The following DDHD1 variants were observed in gnomAD, a reference collection of about 807,000 sequenced individuals.
DDHD1 encodes phospholipase DDHD1.
DDHD1 carries 49 observed loss-of-function variants against 96.4 expected under a neutral mutation model. The ratio of observed to expected loss-of-function variants is 0.51; its 90% CI spans 0.40 to 0.64. The LOEUF (loss-of-function observed/expected upper bound fraction) is 0.64. Ranked by LOEUF, DDHD1 falls within the 30% of genes least tolerant of loss-of-function variation. DDHD1 has a pLI of 0.00. For synonymous variants in DDHD1, 442 were observed against 446.5 expected (o/e 0.99, Z 0.13); for missense variants, 1,106 against 1,161.2 (o/e 0.95, Z 0.69).
chr14:53,086,002 A>G (rs1467796892), intron 4 of DDHD1, among the ~76,000 whole-genome samples: 1 of 152,256 alleles, frequency 6.6e-6, no homozygotes, highest in Non-Finnish European at 1.5e-5. Flanking sequence ...TACGTGACAC[A>G]TGCACAAGCT....
In DDHD1 at chr14:53,061,130, A is replaced by T; in HGVS notation, c.1838T>A (p.Phe613Tyr). The stretch of plus-strand genomic sequence containing the variant: ...AACACATTGCTCTTTCCTTACCTTA[A>T]ATTTTAAGGCAGGTGTTTGTGTCAT... ...SSMTQTPALK[F>Y]KVENFFCMGS... Residue 613 changes from phenylalanine to tyrosine, a missense_variant, in exon 8 of 13, where the codon TTT (phenylalanine) becomes TAT (tyrosine). By Grantham distance (22) the Phe-to-Tyr change is conservative. This residue lies in a region of DDHD1 where 650 missense variants were observed against 758.8 expected (regional missense o/e 0.86). Transcript: ENST00000673822. 6.2e-7 allele frequency: 1 copy of T among 1,607,192 alleles called. No individual in the cohort carries two copies. Among genetic ancestry groups the T allele is most frequent in the Non-Finnish European group, 8.5e-7 (1 of 1,178,468 alleles).
intron 1 of DDHD1, among the ~76,000 whole-genome samples, chr14:53,105,906 G>A (rs1887653427): frequency 6.6e-6 from 1 of 151,002 alleles, no homozygotes; most frequent in Non-Finnish European, 1.5e-5. Context: ...CTTTCTTTTG[G>A]TAGTTAGGAA....
chr14:53,138,763 T>TA (rs1366751635), intron 1 of DDHD1, among the ~76,000 whole-genome samples: 1 of 152,160 alleles, frequency 6.6e-6, no homozygotes, highest in African/African-American at 2.4e-5. Context: ...TGGGCTATAG[T>TA]AAGAGTATAA....
At chr14:53,114,865 G>A (rs1888423306) in intron 1 of DDHD1, among the ~76,000 whole-genome samples, 1 of 152,196 alleles carries the variant, frequency 6.6e-6, no homozygotes, top group African/African-American at 2.4e-5. Context: ...AAAACTGGAT[G>A]GAGAATGAGA....
At chr14:53,055,009 A>G (rs1393250571) in intron 10 of DDHD1, among the ~76,000 whole-genome samples, 2 of 152,248 alleles carry the variant, frequency 1.3e-5, no homozygotes, top group Non-Finnish European at 2.9e-5. Context: ...GACATGTAAG[A>G]AAAAGCCATC....
rs535527076 is a variant in DDHD1 at position 53,082,623 on chromosome 14, G to A, written c.1290-8776C>T. 3.0e-3 allele frequency among the ~76,000 whole-genome samples: 456 copies of A among 151,854 alleles called. 1 individual carries two copies. The highest frequency in any genetic ancestry group is 4.8e-3 in the Non-Finnish European group (325 of 67,942). On this transcript the variant is annotated intron_variant, in intron 4 of 12. Coordinates refer to ENST00000673822, the MANE Select transcript of DDHD1 (RefSeq NM_001160148.2). ...AAAATACAAAAATTAGCCGGGTGTG[G>A]TGACGTGTGACTGTAGTTCCAGCTA...
chr14:53,099,214 T>C (rs1887117957), intron 2 of DDHD1, among the ~76,000 whole-genome samples: 1 of 152,176 alleles, frequency 6.6e-6, no homozygotes, highest in Admixed American at 6.5e-5. Flanking sequence ...GACATATCCT[T>C]CATCCAGCTT....
chr14:53,086,226 C>CT (rs939233797), intron 4 of DDHD1, among the ~76,000 whole-genome samples: 2 of 152,208 alleles, frequency 1.3e-5, no homozygotes, highest in Non-Finnish European at 2.9e-5. Flanking sequence ...GGAAAACACT[C>CT]TTTAGGATAT....
At chr14:53,143,499 T>C (rs756201572) in intron 1 of DDHD1, among the ~76,000 whole-genome samples, 2 of 152,200 alleles carry the variant, frequency 1.3e-5, no homozygotes, top group African/African-American at 4.8e-5. Context: ...CAGGGTCATT[T>C]ATAATCTGAC....
intron 6 of DDHD1, among the ~76,000 whole-genome samples, chr14:53,072,157 T>G (rs1377171252): frequency 6.6e-6 from 1 of 152,216 alleles, no homozygotes; most frequent in African/African-American, 2.4e-5. Context: ...TCTCTCATCT[T>G]CTTGAATAAA....
At chr14:53,101,381 A>G (rs565997978) in intron 2 of DDHD1, among the ~76,000 whole-genome samples, 54 of 152,258 alleles carry the variant, frequency 3.5e-4, no homozygotes, top group Non-Finnish European at 6.3e-4. Flanking sequence ...AAAGTGACCA[A>G]AAATTATGAC....
intron 1 of DDHD1, among the ~76,000 whole-genome samples, chr14:53,120,411 C>T (rs1291316210): frequency 3.3e-5 from 5 of 152,142 alleles, no homozygotes; most frequent in Non-Finnish European, 7.4e-5. Context: ...TCCCATCAAG[C>T]TACCATTGAC....
intron 12 of DDHD1, among the ~76,000 whole-genome samples, chr14:53,049,893 C>A (rs1246048627): frequency 6.6e-6 from 1 of 152,158 alleles, no homozygotes; most frequent in Non-Finnish European, 1.5e-5. Flanking sequence ...AGGCATATTT[C>A]TTTCCCTCTT....
At chr14:53,088,825 A>T (rs1886200388) in intron 4 of DDHD1, among the ~76,000 whole-genome samples, 1 of 152,198 alleles carries the variant, frequency 6.6e-6, no homozygotes, top group Non-Finnish European at 1.5e-5. Flanking sequence ...GGCCAGGGCA[A>T]TCAGGCAGGA....
At chr14:53,097,079 A>C (rs541425703) in intron 2 of DDHD1, among the ~76,000 whole-genome samples, 13 of 152,126 alleles carry the variant, frequency 8.5e-5, no homozygotes, top group African/African-American at 2.9e-4. Flanking sequence ...TGAACCTTAC[A>C]AATTAGTTTC....
intron 5 of DDHD1, among the ~76,000 whole-genome samples, chr14:53,072,907 T>A (rs1225766539): frequency 2.0e-5 from 3 of 150,774 alleles, no homozygotes; most frequent in Non-Finnish European, 4.4e-5. Context: ...ACATAGGAGA[T>A]GAAAAGAAAC....
intron 6 of DDHD1, among the ~76,000 whole-genome samples, chr14:53,068,668 T>C (rs1884253604): frequency 6.6e-6 from 1 of 152,238 alleles, no homozygotes; most frequent in African/African-American, 2.4e-5. Context: ...TGTGTTCTCC[T>C]GTGTGTGTCA....
At chr14:53,055,196 C>A (rs572718231) in intron 10 of DDHD1, among the ~76,000 whole-genome samples, 1 of 152,178 alleles carries the variant, frequency 6.6e-6, no homozygotes, top group African/African-American at 2.4e-5. Flanking sequence ...TGTGCCAGTA[C>A]TGGAGATCAT....
intron 1 of DDHD1, among the ~76,000 whole-genome samples, chr14:53,131,909 A>G (rs1365457973): frequency 6.6e-6 from 1 of 152,110 alleles, no homozygotes; most frequent in Non-Finnish European, 1.5e-5. Context: ...TCATGAAAAC[A>G]TGCATGCTCT....
Sources: allele counts gnomAD v4.1 joint callset (sites outside exome capture counted in the v4.1 genomes callset), GRCh38; gene constraint gnomAD v4.1.1; regional missense constraint gnomAD v4.1.1; transcripts MANE v1.5; gene names NCBI Gene and HGNC (gene_info 2026-07-23, HGNC 2026-07-21).